SH3BP5: variants seen among roughly 807,000 people sequenced by gnomAD.
SH3BP5 encodes SH3 domain binding protein 5.
SH3BP5 carries 22 observed loss-of-function variants against 43.3 expected under a neutral mutation model. That is an observed-to-expected ratio of 0.51 (90% CI 0.36 to 0.73). SH3BP5 has a LOEUF of 0.73. Among genes scored for constraint, SH3BP5 ranks in the 30% least tolerant of loss-of-function variants. The pLI, the probability that SH3BP5 is intolerant of heterozygous loss-of-function variation, is 0.00. For missense variants in SH3BP5, 529 were observed against 586.9 expected, an observed-to-expected ratio of 0.90 and a Z score of 1.02; for synonymous variants, 255 against 225.8, an observed-to-expected ratio of 1.13 and a Z score of -1.16.
chr3:15,338,056 T>C (rs1055508872), intron 1 of SH3BP5, among the ~76,000 whole-genome samples: 1 of 151,728 alleles, frequency 6.6e-6, no homozygotes, highest in Non-Finnish European at 1.5e-5. Context: ...TTTAATGCTT[T>C]GTGAGCTAGG....
At chr3:15,318,824 G>C (rs547225624) in intron 2 of SH3BP5, among the ~76,000 whole-genome samples, 4 of 152,120 alleles carry the variant, frequency 2.6e-5, no homozygotes, top group East Asian at 3.8e-4. Flanking sequence ...TGCTGGCCTC[G>C]GCCTCCCAAA....
Position 15,259,770 on chromosome 3 carries a change from C to T in SH3BP5, c.660G>A (p.Val220=). The change falls in exon 6 of 9, where the codon GTG becomes GTA. Residue 220 remains valine, a synonymous_variant. Transcript: ENST00000383791. The part of the protein sequence containing the change: ...PYFELKAKYY[V]QLEQLKKTVD... Reference sequence around the variant, plus strand: ...CCAAAGCTACACATACCTCGAGCTGCACATAGTACTTTGCCTTGAGTTCAA... The same window carrying T: ...CCAAAGCTACACATACCTCGAGCTGTACATAGTACTTTGCCTTGAGTTCAA... 6.2e-7 allele frequency: 1 copy of T among 1,614,144 alleles called. No homozygotes were observed. The highest frequency in any genetic ancestry group is 1.1e-5 in the South Asian group (1 of 91,080).
rs1216036834 is a variant in SH3BP5 at position 15,256,053 on chromosome 3, T to C, written c.*33A>G. 3.3e-6 allele frequency: 5 copies of C among 1,510,570 alleles called. No homozygotes were observed. Among genetic ancestry groups the C allele is most frequent in the Non-Finnish European group, 4.6e-6 (5 of 1,091,924 alleles). The allele number at this position is 1,510,570 out of a possible 1,614,324, so 93.6% of individuals were successfully genotyped here. A position where few individuals can be genotyped will look rare whatever the true frequency, so the allele number is the denominator to read the frequency against. On this transcript the variant is annotated 3_prime_UTR_variant, in exon 9 of 9. Coordinates refer to ENST00000383791, the MANE Select transcript of SH3BP5 (RefSeq NM_004844.5). ...TGTTCTCCAGTTCCATGTATAAATG[T>C]TGATATGCACATCGGCCAGGGCCCA... is the stretch of plus-strand genomic sequence containing the variant.
intron 4 of SH3BP5, among the ~76,000 whole-genome samples, chr3:15,267,049 G>A (rs1026738892): frequency 1.3e-5 from 2 of 152,238 alleles, no homozygotes; most frequent in African/African-American, 4.8e-5. Context: ...AGGGTGAGAT[G>A]AAGCTCCCTT....
chr3:15,259,059 GAGA>G lies in SH3BP5; in HGVS notation c.670-12_670-10del. ...ACAGTCTTTTTCAGTTGCTGATCAA[GAGA>G]ACAGGAGACTAAGTGAAGACTACCC... On this transcript the variant is annotated splice_polypyrimidine_tract_variant and intron_variant, in intron 6 of 8. Transcript: ENST00000383791. The G allele has an allele frequency of 1.9e-6, 3 of 1,610,356 alleles. No individual in the cohort carries two copies. Among genetic ancestry groups the G allele is most frequent in the Non-Finnish European group, 1.7e-6 (2 of 1,176,540 alleles).
intron 2 of SH3BP5, among the ~76,000 whole-genome samples, chr3:15,307,753 T>G (rs1024823995): frequency 6.6e-6 from 1 of 152,240 alleles, no homozygotes; most frequent in African/African-American, 2.4e-5. Flanking sequence ...CAAGATGCAC[T>G]CGCATGCATG....
intron 3 of SH3BP5, among the ~76,000 whole-genome samples, chr3:15,299,240 G>A (rs6442512): frequency 0.17 from 26,613 of 152,082 alleles, 3,413 homozygotes; most frequent in African/African-American, 0.35. Flanking sequence ...TGTCAAAGCA[G>A]CCTTAAAAAC....
intron 3 of SH3BP5, among the ~76,000 whole-genome samples, chr3:15,300,504 G>C (rs1697706891): frequency 1.4e-5 from 1 of 73,154 alleles, no homozygotes; most frequent in Non-Finnish European, 3.0e-5. Flanking sequence ...AAGGAAGCGG[G>C]GGCGGGGGGA....
At chr3:15,273,969 A>AT (rs1696887833) in intron 3 of SH3BP5, among the ~76,000 whole-genome samples, 1 of 152,196 alleles carries the variant, frequency 6.6e-6, no homozygotes, top group African/African-American at 2.4e-5. Context: ...TGGGCCGGGC[A>AT]TGGTGGCTCA....
At chr3:15,328,094 T>C (rs1698509964) in intron 2 of SH3BP5, among the ~76,000 whole-genome samples, 1 of 152,128 alleles carries the variant, frequency 6.6e-6, no homozygotes, top group African/African-American at 2.4e-5. Context: ...CAGTCTTGGT[T>C]ATAATACCGT....
At chr3:15,299,298 GC>G (rs968691173) in intron 3 of SH3BP5, among the ~76,000 whole-genome samples, 2 of 152,082 alleles carry the variant, frequency 1.3e-5, no homozygotes, top group Non-Finnish European at 2.9e-5. Flanking sequence ...CCAGTGCCCT[GC>G]CCCCAACCTG....
chr3:15,288,408 C>T (rs1016781161), intron 3 of SH3BP5, among the ~76,000 whole-genome samples: 12 of 152,198 alleles, frequency 7.9e-5, no homozygotes, highest in African/African-American at 2.9e-4. Context: ...TAAGATAATT[C>T]AGCCGGGAGG....
intron 3 of SH3BP5, among the ~76,000 whole-genome samples, chr3:15,272,584 C>CCG (rs1559432702): frequency 9.1e-6 from 1 of 109,774 alleles, no homozygotes; most frequent in Non-Finnish European, 1.6e-5. Flanking sequence ...AACAGAGTGC[C>CCG]TGTAGGATAA....
At chr3:15,330,682 A>G in intron 1 of SH3BP5, 116 bp from the exon 2 acceptor site, 1 of 1,408,820 alleles carries the variant, frequency 7.1e-7, no homozygotes, top group Non-Finnish European at 9.3e-7. Flanking sequence ...AAAGGGAAGA[A>G]TCAGAATTAA....
intron 3 of SH3BP5, among the ~76,000 whole-genome samples, chr3:15,292,773 G>T (rs906286890): frequency 2.0e-5 from 3 of 151,486 alleles, no homozygotes; most frequent in Non-Finnish European, 4.4e-5. Context: ...GCTTGAATCC[G>T]GGAGGCGGAG....
At chr3:15,293,694 G>A (rs543313991) in intron 3 of SH3BP5, among the ~76,000 whole-genome samples, 36 of 152,278 alleles carry the variant, frequency 2.4e-4, no homozygotes, top group Middle Eastern at 3.4e-3. Context: ...GGTAGACTTG[G>A]TTTAAACCTT....
At chr3:15,259,896 G>A in intron 5 of SH3BP5, 93 bp from the exon 6 acceptor site, 1 of 1,146,218 alleles carries the variant, frequency 8.7e-7, no homozygotes, top group Non-Finnish European at 1.3e-6. Context: ...AGCTACCACT[G>A]GCCAGGTCGT....
intron 2 of SH3BP5, among the ~76,000 whole-genome samples, chr3:15,314,635 T>C (rs1698142398): frequency 6.6e-6 from 1 of 152,206 alleles, no homozygotes; most frequent in Admixed American, 6.5e-5. Context: ...ACAACACTCC[T>C]GCTCATGGCA....
intron 3 of SH3BP5, among the ~76,000 whole-genome samples, chr3:15,299,166 T>A (rs1697659967): frequency 6.6e-6 from 1 of 152,228 alleles, no homozygotes; most frequent in South Asian, 2.1e-4. Flanking sequence ...TTGATTCACA[T>A]GGGCTCCGCC....
Sources: gnomAD v4.1 joint callset for allele counts (sites outside exome capture counted in the v4.1 genomes callset) on GRCh38, gnomAD v4.1.1 for gene constraint, MANE v1.5 for transcripts, NCBI Gene and HGNC (gene_info 2026-07-23, HGNC 2026-07-21) for gene names.